Variants in GTF2E2 observed in about 807,000 individuals in gnomAD.
The protein encoded by GTF2E2 is general transcription factor IIE subunit 2, also known as transcription initiation factor IIE subunit beta.
In GTF2E2, 21 loss-of-function variants were observed where a neutral mutation model predicts 40.5. That is an observed-to-expected ratio of 0.52 (90% CI 0.37 to 0.75). The LOEUF (loss-of-function observed/expected upper bound fraction) is 0.75. GTF2E2 is among the 30% of genes least tolerant of loss of function. The pLI is 0.00. For missense variants in GTF2E2, 298 were observed against 338.4 expected (o/e 0.88, Z 0.94); for synonymous variants, 117 against 121.6 (o/e 0.96, Z 0.25).
At chr8:30,627,130 TCAAA>T (rs1313426942) in intron 3 of GTF2E2, among the ~76,000 whole-genome samples, 5 of 152,166 alleles carry the variant, frequency 3.3e-5, no homozygotes, top group Non-Finnish European at 7.3e-5. Flanking sequence ...GGCTCCACTC[TCAAA>T]CAGTGTAAGT....
chr8:30,627,480 A>T (rs1384011265), intron 3 of GTF2E2, among the ~76,000 whole-genome samples: 1 of 148,948 alleles, frequency 6.7e-6, no homozygotes, highest in Admixed American at 6.7e-5. Flanking sequence ...AACTCAGGAC[A>T]TCGCTTTTTT....
At chr8:30,596,948 G>C (rs965592249) in intron 6 of GTF2E2, 1 of 152,302 alleles carries the variant, frequency 6.6e-6, no homozygotes, top group African/African-American at 2.4e-5. Context: ...GTGTCTGTTC[G>C]ACCTTCAGCT....
intron 3 of GTF2E2, among the ~76,000 whole-genome samples, chr8:30,630,852 T>C (rs1772557355): frequency 6.6e-6 from 1 of 152,162 alleles, no homozygotes; most frequent in Non-Finnish European, 1.5e-5. Context: ...AACATTCTAA[T>C]CTATCATAAT....
chr8:30,612,549 C>T lies in GTF2E2; in HGVS notation c.367-68G>A, dbSNP rs907682569. 1.8e-5 allele frequency: 17 copies of T among 935,512 alleles called. No individual in the cohort carries two copies. The East Asian group carries it at 4.4e-4, about 24-fold the overall frequency. 58.0% of individuals were successfully genotyped at this position (935,512 alleles called of 1,614,324 possible). A position where few individuals can be genotyped will look rare whatever the true frequency, so the allele number is the denominator to read the frequency against. ...TAAATATATATATATATTTTTGAAA[C>T]GTAATCTTGCTCTGTCGCCCAGGCT... On this transcript the variant is annotated intron_variant, in intron 4 of 7. Coordinates refer to ENST00000355904, the MANE Select transcript of GTF2E2 (RefSeq NM_002095.6).
chr8:30,611,213 CA>C (rs1399739837), intron 5 of GTF2E2, among the ~76,000 whole-genome samples: 1 of 152,050 alleles, frequency 6.6e-6, no homozygotes, highest in Non-Finnish European at 1.5e-5. Flanking sequence ...CAAAACAAAA[CA>C]AATAGAAACA....
At chr8:30,608,884 G>T (rs796697502) in intron 5 of GTF2E2, among the ~76,000 whole-genome samples, 7 of 152,300 alleles carry the variant, frequency 4.6e-5, no homozygotes, top group African/African-American at 1.7e-4. Flanking sequence ...GAGTAGCTGG[G>T]ACTACAGGTG....
intron 5 of GTF2E2, among the ~76,000 whole-genome samples, chr8:30,607,387 T>C (rs926686048): frequency 1.3e-5 from 2 of 152,020 alleles, no homozygotes; most frequent in Admixed American, 6.6e-5. Context: ...CAAGCAATCC[T>C]CCCACCTCAG....
At chr8:30,585,727 G>C (rs1357744667) in intron 6 of GTF2E2, among the ~76,000 whole-genome samples, 1 of 140,424 alleles carries the variant, frequency 7.1e-6, no homozygotes, top group Non-Finnish European at 1.5e-5. Context: ...CCCCACATTA[G>C]GCTATGGTGT....
At position 30,612,415 on chromosome 8, in the gene GTF2E2, C is replaced by A; in HGVS notation, c.433G>T (p.Val145Leu). The A allele has an allele frequency of 6.2e-7, 1 of 1,612,492 alleles. No homozygotes were observed. Among genetic ancestry groups the A allele is most frequent in the Non-Finnish European group, 8.5e-7 (1 of 1,178,674 alleles). The change falls in exon 5 of 8, where the codon GTG becomes TTG. Residue 145 changes from valine (V) to leucine (L), a missense_variant. Coordinates refer to ENST00000355904, the MANE Select transcript of GTF2E2 (RefSeq NM_002095.6). ...GKYAFKPKYN[V>L]RDKKALLRLL... ...CTAAGTAGGGCCTTCTTATCTCTCACGTTGTACTTGGGCTTGAAAGCATAC... is the reference window on the plus strand; with the variant it reads ...CTAAGTAGGGCCTTCTTATCTCTCAAGTTGTACTTGGGCTTGAAAGCATAC...
intron 4 of GTF2E2, 50 bp downstream of exon 4, chr8:30,614,558 G>C: frequency 1.9e-6 from 2 of 1,041,420 alleles, no homozygotes; most frequent in Non-Finnish European, 1.5e-6. Flanking sequence ...AAAAAAAAAA[G>C]AAAATTCTAG....
chr8:30,579,556 G>A (rs1828448483), intron 7 of GTF2E2, among the ~76,000 whole-genome samples: 2 of 152,172 alleles, frequency 1.3e-5, no homozygotes, highest in Non-Finnish European at 2.9e-5. Context: ...TGTGGAAAGA[G>A]ATTGACAATA....
chr8:30,652,021 G>A (rs73245369), intron 2 of GTF2E2, among the ~76,000 whole-genome samples: 3,351 of 152,132 alleles, frequency 0.022, 46 homozygotes, highest in Non-Finnish European at 0.03. Flanking sequence ...ATAAGAACAC[G>A]CAAAAAGATA....
intron 6 of GTF2E2, among the ~76,000 whole-genome samples, chr8:30,598,290 C>T (rs891928109): frequency 1.3e-5 from 2 of 152,168 alleles, no homozygotes; most frequent in Admixed American, 1.3e-4. Flanking sequence ...TGCAAAGAAG[C>T]TTACATACTG....
At chr8:30,581,210 C>A (rs376495759) in intron 6 of GTF2E2, among the ~76,000 whole-genome samples, 14 of 152,290 alleles carry the variant, frequency 9.2e-5, no homozygotes, top group South Asian at 8.3e-4. Flanking sequence ...TCTCTGAGCC[C>A]CGAGGCTTCA....
chr8:30,623,568 C>T (rs1250949480), intron 3 of GTF2E2, among the ~76,000 whole-genome samples: 1 of 152,028 alleles, frequency 6.6e-6, no homozygotes, highest in African/African-American at 2.4e-5. Flanking sequence ...ATTTCTAGTT[C>T]TAGATCCCTG....
At chr8:30,631,924 ACT>A (rs994142561) in intron 3 of GTF2E2, among the ~76,000 whole-genome samples, 5 of 152,122 alleles carry the variant, frequency 3.3e-5, no homozygotes, top group African/African-American at 1.2e-4. Flanking sequence ...GCTGGGCAAC[ACT>A]GAGAGACCCT....
intron 2 of GTF2E2, chr8:30,636,857 T>TA (rs35494159): frequency 0.069 from 20,321 of 295,708 alleles, 1,126 homozygotes; most frequent in African/African-American, 0.24. Flanking sequence ...GTCTCAAAAT[T>TA]AAAAAAAAAA....
At chr8:30,605,179 C>T (rs912362260) in intron 6 of GTF2E2, among the ~76,000 whole-genome samples, 1 of 152,202 alleles carries the variant, frequency 6.6e-6, no homozygotes, top group African/African-American at 2.4e-5. Context: ...CTACACTATG[C>T]TGCCATCTGC....
At chr8:30,589,553 G>A (rs1362782881) in intron 6 of GTF2E2, among the ~76,000 whole-genome samples, 2 of 152,178 alleles carry the variant, frequency 1.3e-5, no homozygotes, top group East Asian at 1.9e-4. Context: ...AGAGCAAGAC[G>A]CTGTCTTAAA....
Sources: allele counts gnomAD v4.1 joint callset (sites outside exome capture counted in the v4.1 genomes callset), GRCh38; gene constraint gnomAD v4.1.1; transcripts MANE v1.5; gene names NCBI Gene and HGNC (gene_info 2026-07-23, HGNC 2026-07-21).